The following FOXN1 variants were observed in gnomAD, a reference collection of about 807,000 sequenced individuals.
FOXN1 encodes the protein forkhead box N1.
In FOXN1, 15 loss-of-function variants were observed where a neutral mutation model predicts 49.0. That is an observed-to-expected ratio of 0.31 (90% confidence interval 0.20 to 0.47). The LOEUF (loss-of-function observed/expected upper bound fraction) is 0.47, where lower values mean the gene tolerates loss of function less well. Among genes scored for constraint, FOXN1 ranks in the 20% least tolerant of loss-of-function variants. The pLI is 1.00. For missense variants in FOXN1, 800 were observed against 842.8 expected (o/e 0.95, Z 0.63); for synonymous variants, 356 against 369.0 (o/e 0.96, Z 0.40).
intron 4 of FOXN1, among the ~76,000 whole-genome samples, chr17:28,528,881 G>A (rs976526703): frequency 1.3e-5 from 2 of 152,232 alleles, no homozygotes; most frequent in Non-Finnish European, 2.9e-5. Context: ...GCTGGAGGAA[G>A]AGGGTTTTAA....
intron 4 of FOXN1, 47 bp downstream of exon 4, chr17:28,527,408 C>A: frequency 3.7e-6 from 4 of 1,076,940 alleles, no homozygotes; most frequent in Non-Finnish European, 5.7e-6. Context: ...CTGAGGATAT[C>A]GTGTGTGTGT....
chr17:28,518,609 G>A (rs750871881), intron 1 of FOXN1, among the ~76,000 whole-genome samples: 2 of 152,200 alleles, frequency 1.3e-5, no homozygotes, highest in Non-Finnish European at 2.9e-5. Context: ...TCAAAGGGCC[G>A]TTTCTTTCTT....
chr17:28,510,005 C>G (rs1431052379), intron 1 of FOXN1, among the ~76,000 whole-genome samples: 1 of 152,176 alleles, frequency 6.6e-6, no homozygotes, highest in Non-Finnish European at 1.5e-5. Context: ...GGGAACTTGA[C>G]TGGAGAGCCA....
At chr17:28,518,080 C>G (rs2069566674) in intron 1 of FOXN1, among the ~76,000 whole-genome samples, 1 of 151,698 alleles carries the variant, frequency 6.6e-6, no homozygotes, top group African/African-American at 2.4e-5. Context: ...CACACCTCCA[C>G]AGGATCCATA....
chr17:28,521,461 C>A (rs2069638995), intron 1 of FOXN1, among the ~76,000 whole-genome samples: 1 of 152,248 alleles, frequency 6.6e-6, no homozygotes, highest in Admixed American at 6.5e-5. Flanking sequence ...CCCGAGCTCT[C>A]CAGGAGGAGC....
At chr17:28,511,419 G>T (rs182969095) in intron 1 of FOXN1, among the ~76,000 whole-genome samples, 1 of 152,174 alleles carries the variant, frequency 6.6e-6, no homozygotes, top group Non-Finnish European at 1.5e-5. Context: ...AGGTGGACAG[G>T]CAAAGAGCGA....
At chr17:28,531,179 A>C (rs958011966) in intron 6 of FOXN1, among the ~76,000 whole-genome samples, 1 of 152,214 alleles carries the variant, frequency 6.6e-6, no homozygotes, top group African/African-American at 2.4e-5. Context: ...TTGGAGAAGA[A>C]ATAAGACACT....
At chr17:28,533,292 G>A (rs2069959818) in intron 6 of FOXN1, among the ~76,000 whole-genome samples, 1 of 152,192 alleles carries the variant, frequency 6.6e-6, no homozygotes, top group Admixed American at 6.5e-5. Flanking sequence ...GTCAGCCCCT[G>A]CTGAACTCAG....
At chr17:28,507,314 C>G (rs1555606276) in intron 1 of FOXN1, among the ~76,000 whole-genome samples, 1 of 152,174 alleles carries the variant, frequency 6.6e-6, no homozygotes, top group African/African-American at 2.4e-5. Context: ...CCAGGCCCTC[C>G]CTAAATATCC....
At chr17:28,517,445 C>T (rs626689) in intron 1 of FOXN1, among the ~76,000 whole-genome samples, 17 of 150,522 alleles carry the variant, frequency 1.1e-4, no homozygotes, top group Non-Finnish European at 1.8e-4. Flanking sequence ...AGGGTACACA[C>T]CTCCACAGGG....
At chr17:28,507,557 A>C (rs2069290855) in intron 1 of FOXN1, among the ~76,000 whole-genome samples, 1 of 152,004 alleles carries the variant, frequency 6.6e-6, no homozygotes, top group South Asian at 2.1e-4. Context: ...TAGTTTTCCT[A>C]ATCCCTGAAG....
intron 1 of FOXN1, among the ~76,000 whole-genome samples, chr17:28,508,082 C>G (rs1362197891): frequency 6.6e-6 from 1 of 152,172 alleles, no homozygotes; most frequent in Non-Finnish European, 1.5e-5. Context: ...CCGAGGCACG[C>G]TGCACCCCCA....
chr17:28,538,255 G>T lies in FOXN1; in HGVS notation c.*819G>T, dbSNP rs1047451255. The T allele has an allele frequency of 6.6e-6, 1 of 152,052 alleles. No homozygotes were observed. The highest frequency in any genetic ancestry group is 2.4e-5 in the African/African-American group (1 of 41,364). 9.4% of individuals were successfully genotyped at this position (152,052 alleles called of 1,614,324 possible). A position where few individuals can be genotyped will look rare whatever the true frequency, so the allele number is the denominator to read the frequency against. ...AACATGTCCTTTTTCCCCAGTCCCG[G>T]GTGCAGGAAGGGCCCCCTCCAGGTC... On this transcript the variant is annotated 3_prime_UTR_variant, in exon 9 of 9. Transcript: ENST00000579795.
chr17:28,527,381 G>A lies in FOXN1; in HGVS notation c.699+20G>A, dbSNP rs1385164940. 2.1e-6 allele frequency: 3 copies of A among 1,421,644 alleles called. No homozygotes were observed. The highest frequency in any genetic ancestry group is 3.0e-6 in the Non-Finnish European group (3 of 1,007,302). 88.1% of individuals were successfully genotyped at this position (1,421,644 alleles called of 1,614,324 possible). A position where few individuals can be genotyped will look rare whatever the true frequency, so the allele number is the denominator to read the frequency against. On this transcript the variant is annotated intron_variant, in intron 4 of 8. Transcript: ENST00000579795. ...CACCAGGTGGGTCTGGGGCAAGTGG[G>A]CCTGCTTCCCCCAGGTCTGAGGATA... is the stretch of plus-strand genomic sequence containing the variant.
At chr17:28,533,256 C>T (rs2069958192) in intron 6 of FOXN1, among the ~76,000 whole-genome samples, 1 of 152,184 alleles carries the variant, frequency 6.6e-6, no homozygotes, top group Admixed American at 6.5e-5. Context: ...GGAGCCCCAC[C>T]GGCCAGAGCG....
rs2070102417 is a variant in FOXN1 at position 28,537,532 on chromosome 17, A to G, written c.*96A>G. ...TCACCTTAAAGGTCAAGGAAGGAAAATACTACCTGTCCCCTATGCCACTAA... is the reference window on the plus strand; with the variant it reads ...TCACCTTAAAGGTCAAGGAAGGAAAGTACTACCTGTCCCCTATGCCACTAA... On this transcript the variant is annotated 3_prime_UTR_variant, in exon 9 of 9. Transcript: ENST00000579795. The G allele has an allele frequency of 2.1e-6, 2 of 949,318 alleles. No homozygotes were observed. Among genetic ancestry groups the G allele is most frequent in the South Asian group, 1.4e-5 (1 of 73,546 alleles). 58.8% of individuals were successfully genotyped at this position (949,318 alleles called of 1,614,324 possible). A position where few individuals can be genotyped will look rare whatever the true frequency, so the allele number is the denominator to read the frequency against.
At chr17:28,530,983 C>G (rs1438445867) in intron 6 of FOXN1, 138 bp downstream of exon 6, 2 of 677,248 alleles carry the variant, frequency 3.0e-6, no homozygotes, top group Admixed American at 2.2e-5. Context: ...ACCATGCTTT[C>G]CGTTGTCTCC....
intron 1 of FOXN1, among the ~76,000 whole-genome samples, chr17:28,515,511 G>A (rs1388707357): frequency 6.6e-6 from 1 of 151,346 alleles, no homozygotes; most frequent in East Asian, 2.0e-4. Context: ...ACTTCCACAA[G>A]TGTACACCCC....
At chr17:28,524,370 C>T in intron 2 of FOXN1, 133 bp from the exon 3 acceptor site, 7 of 858,890 alleles carry the variant, frequency 8.2e-6, no homozygotes, top group Non-Finnish European at 1.3e-5. Flanking sequence ...TAGGCTATTT[C>T]TTCTCCACCA....
Sources: gnomAD v4.1 joint callset for allele counts (sites outside exome capture counted in the v4.1 genomes callset) on GRCh38, gnomAD v4.1.1 for gene constraint, MANE v1.5 for transcripts, NCBI Gene and HGNC (gene_info 2026-07-23, HGNC 2026-07-21) for gene names.